Variants in OR7E24 observed in about 807,000 individuals in gnomAD.
OR7E24 encodes the protein olfactory receptor family 7 subfamily E member 24.
For missense variants in OR7E24, 385 were observed against 410.3 expected (o/e 0.94, Z 0.53); for synonymous variants, 130 against 157.5 (o/e 0.83, Z 1.31).
chr19:9,250,197 C>T (rs530280749), upstream of OR7E24, among the ~76,000 whole-genome samples: 2 of 152,040 alleles, frequency 1.3e-5, no homozygotes, highest in African/African-American at 2.4e-5. Context: ...AGGGCTCAAG[C>T]GATTCTCCTG....
chr19:9,229,881 G>C, the OR7E24 span, among the ~76,000 whole-genome samples: 1 of 152,018 alleles, frequency 6.6e-6, no homozygotes, highest in Non-Finnish European at 1.5e-5. Flanking sequence ...GGTTTAACAG[G>C]GACACACCAT....
upstream of OR7E24, among the ~76,000 whole-genome samples, chr19:9,250,473 A>G (rs1326929642): frequency 6.6e-6 from 1 of 152,218 alleles, no homozygotes; most frequent in African/African-American, 2.4e-5. Context: ...GAAAGCCCAC[A>G]TATTTGAGTG....
At chr19:9,236,105 G>A in the OR7E24 span, 1 of 1,265,012 alleles carries the variant, frequency 7.9e-7, no homozygotes, top group Non-Finnish European at 1.1e-6. Context: ...TCAGAACTAA[G>A]AGGATGCTAT....
chr19:9,225,889 A>G, the OR7E24 span, among the ~76,000 whole-genome samples: 2 of 152,142 alleles, frequency 1.3e-5, no homozygotes, highest in Non-Finnish European at 2.9e-5. Flanking sequence ...TGCTTTATTC[A>G]TGGTGGAAAC....
chr19:9,231,422 A>AAAAAC, the OR7E24 span, among the ~76,000 whole-genome samples: 1 of 152,014 alleles, frequency 6.6e-6, no homozygotes, highest in Non-Finnish European at 1.5e-5. Context: ...TCTACTAAAA[A>AAAAAC]TACAAAAATT....
chr19:9,248,988 G>A (rs1862868571), upstream of OR7E24, among the ~76,000 whole-genome samples: 3 of 152,306 alleles, frequency 2.0e-5, no homozygotes, highest in South Asian at 6.2e-4. Context: ...CATCTGAGTT[G>A]ATTTCTGGTA....
chr19:9,226,175 T>G, the OR7E24 span, among the ~76,000 whole-genome samples: 1 of 152,246 alleles, frequency 6.6e-6, no homozygotes, highest in Non-Finnish European at 1.5e-5. Context: ...CTAGAAGGGC[T>G]AAGCCTTGTT....
the OR7E24 span, among the ~76,000 whole-genome samples, chr19:9,221,163 T>C: frequency 6.7e-6 from 1 of 150,332 alleles, no homozygotes; most frequent in African/African-American, 2.4e-5. Context: ...TCCCAGCTAC[T>C]TGGGAGGCTG....
the OR7E24 span, chr19:9,209,335 A>G: frequency 6.6e-6 from 1 of 152,174 alleles, no homozygotes; most frequent in Non-Finnish European, 1.5e-5. Flanking sequence ...TTCCAAGGCC[A>G]TGCAATGATT....
the OR7E24 span, chr19:9,213,999 A>G: frequency 6.2e-7 from 1 of 1,614,014 alleles, no homozygotes; most frequent in East Asian, 2.2e-5. Flanking sequence ...GGGGGTGACC[A>G]TGGCGTACAT....
the OR7E24 span, among the ~76,000 whole-genome samples, chr19:9,231,405 C>A: frequency 1.3e-5 from 2 of 151,922 alleles, no homozygotes; most frequent in Non-Finnish European, 1.5e-5. Flanking sequence ...CATGGTGAAA[C>A]CCCATCTCTA....
the OR7E24 span, chr19:9,213,045 C>T: frequency 6.6e-6 from 1 of 152,200 alleles, no homozygotes; most frequent in African/African-American, 2.4e-5. Context: ...GTGAATGAGA[C>T]AAAATTTCTC....
the OR7E24 span, among the ~76,000 whole-genome samples, chr19:9,222,388 G>A: frequency 6.6e-6 from 1 of 152,150 alleles, no homozygotes; most frequent in Non-Finnish European, 1.5e-5. Flanking sequence ...GATTGCTTTG[G>A]ATAGTATGGA....
chr19:9,214,658 G>T, the OR7E24 span: 80 of 1,614,160 alleles, frequency 5.0e-5, no homozygotes, highest in African/African-American at 8.8e-4. Context: ...AGAGGAAGAA[G>T]TACATGGGGG....
At chr19:9,222,133 C>T in the OR7E24 span, among the ~76,000 whole-genome samples, 1 of 152,150 alleles carries the variant, frequency 6.6e-6, no homozygotes, top group Non-Finnish European at 1.5e-5. Flanking sequence ...GCTATAAATA[C>T]ATGGATTTAT....
the OR7E24 span, chr19:9,213,601 G>A: frequency 3.1e-6 from 1 of 320,766 alleles, no homozygotes; most frequent in Non-Finnish European, 5.8e-6. Context: ...AGCTGGCTGT[G>A]GTGGCACACA....
At chr19:9,233,402 A>G in the OR7E24 span, among the ~76,000 whole-genome samples, 1 of 152,290 alleles carries the variant, frequency 6.6e-6, no homozygotes, top group South Asian at 2.1e-4. Context: ...GATCGACTCT[A>G]CTGACCTTAG....
chr19:9,206,672 G>A, the OR7E24 span: 34 of 152,172 alleles, frequency 2.2e-4, no homozygotes, highest in East Asian at 7.7e-4. Context: ...AAAAACACAC[G>A]GTTTCATTAT....
chr19:9,234,845 T>C, the OR7E24 span, among the ~76,000 whole-genome samples: 2 of 152,204 alleles, frequency 1.3e-5, no homozygotes, highest in Non-Finnish European at 2.9e-5. Flanking sequence ...ACTATGGAGA[T>C]GTATCAAAAG....
Sources: allele counts gnomAD v4.1 joint callset (sites outside exome capture counted in the v4.1 genomes callset), GRCh38; gene constraint gnomAD v4.1.1; transcripts MANE v1.5; gene names NCBI Gene and HGNC (gene_info 2026-07-23, HGNC 2026-07-21).